ZNF469: variants seen among roughly 807,000 people sequenced by gnomAD.
The protein encoded by ZNF469 is zinc finger protein 469.
ZNF469 carries 1 observed loss-of-function variant against 1.0 expected under a neutral mutation model. The observed-to-expected ratio is 1.00, with a 90% CI of 0.35 to 4.73. The LOEUF (loss-of-function observed/expected upper bound fraction) is 4.73. Ranked by LOEUF, ZNF469 falls within the 30% of genes most tolerant of loss-of-function variation. The probability of loss-of-function intolerance (pLI) is 0.16; values close to 1 mark genes in which losing one functional copy is unlikely to be tolerated. For synonymous variants in ZNF469, 2,703 were observed against 2,363.4 expected (o/e 1.14, Z -4.17); for missense variants, 6,100 against 5,356.3 (o/e 1.14, Z -4.33).
At chr16:88,176,590 T>C in the ZNF469 span, among the ~76,000 whole-genome samples, 207 of 152,276 alleles carry the variant, frequency 1.4e-3, no homozygotes, top group African/African-American at 4.9e-3. Flanking sequence ...ATTAAAGAGC[T>C]GCTACAAGAA....
At chr16:88,193,621 G>C in the ZNF469 span, 1 of 152,256 alleles carries the variant, frequency 6.6e-6, no homozygotes, top group Non-Finnish European at 1.5e-5. Flanking sequence ...AGGATAGCTT[G>C]AGCCCAGGAG....
the ZNF469 span, among the ~76,000 whole-genome samples, chr16:88,263,850 C>A: frequency 6.6e-6 from 1 of 152,226 alleles, no homozygotes; most frequent in South Asian, 2.1e-4. Context: ...GAGACTGATG[C>A]GCCGGGCAGA....
chr16:88,183,560 A>G, the ZNF469 span, among the ~76,000 whole-genome samples: 2 of 152,178 alleles, frequency 1.3e-5, no homozygotes, highest in East Asian at 3.9e-4. Context: ...CACTCACAGG[A>G]CAATTCTGGA....
At chr16:88,371,168 C>T in the ZNF469 span, among the ~76,000 whole-genome samples, 1 of 152,246 alleles carries the variant, frequency 6.6e-6, no homozygotes, top group South Asian at 2.1e-4. Context: ...CACAGCAAAG[C>T]CTCACTGATA....
rs1180913815 is a variant in ZNF469, at chr16:88,433,818, A to C, written c.6348A>C (p.Ser2116=). 6 of 1,549,588 alleles carry C rather than the reference A, an allele frequency of 3.9e-6. No individual in the cohort carries two copies. The highest frequency in any genetic ancestry group is 4.4e-6 in the Non-Finnish European group (5 of 1,146,802). ...SVGDLAACAP[S]PTSAAHMPCS... is the part of the protein sequence containing the mutation. ...GGGACCTGGCCGCCTGCGCCCCCTC[A>C]CCCACTTCAGCCGCCCACATGCCCT... The change falls in exon 3 of 3, where the codon TCA becomes TCC. Residue 2116 remains serine (S), a synonymous_variant. Transcript: ENST00000565624.
In ZNF469 at chr16:88,427,456, C is replaced by A; in HGVS notation, c.-15C>A. 1 of 1,486,298 alleles carries A rather than the reference C, an allele frequency of 6.7e-7. No individual in the cohort carries two copies. Among genetic ancestry groups the A allele is most frequent in the Non-Finnish European group, 8.9e-7 (1 of 1,120,136 alleles). The allele number at this position is 1,486,298 out of a possible 1,614,324, so 92.1% of individuals were successfully genotyped here. On this transcript the variant is annotated 5_prime_UTR_variant, in exon 3 of 3. Transcript: ENST00000565624. The stretch of plus-strand genomic sequence containing the variant: ...TCGGACAGCTGCGTCGTCCTAGCGC[C>A]AGGACGGAGGGGCCATGCCTGGGGA...
At chr16:88,174,476 G>GTCTGTCTGTCTATCTATCTATCTATCTA in the ZNF469 span, among the ~76,000 whole-genome samples, 1 of 101,662 alleles carries the variant, frequency 9.8e-6, no homozygotes, top group South Asian at 4.4e-4. Context: ...CTGTCTGTCT[G>GTCTGTCTGTCTATCTATCTATCTATCTA]TCTATCTATC....
At chr16:88,104,350 G>A in the ZNF469 span, among the ~76,000 whole-genome samples, 1 of 151,804 alleles carries the variant, frequency 6.6e-6, no homozygotes, top group Non-Finnish European at 1.5e-5. Flanking sequence ...GCAGAGAGAT[G>A]TGCACCCACA....
At chr16:88,379,251 G>A (rs779124120), upstream of ZNF469, among the ~76,000 whole-genome samples, 1 of 152,158 alleles carries the variant, frequency 6.6e-6, no homozygotes, top group Non-Finnish European at 1.5e-5. Flanking sequence ...GCCAGGGCAT[G>A]AGACCTGGCT....
At chr16:88,180,623 A>T in the ZNF469 span, among the ~76,000 whole-genome samples, 2 of 152,090 alleles carry the variant, frequency 1.3e-5, no homozygotes, top group Non-Finnish European at 2.9e-5. Context: ...AATATAAAAA[A>T]ATTAGCCGGG....
chr16:88,365,704 G>A, the ZNF469 span, among the ~76,000 whole-genome samples: 1 of 152,208 alleles, frequency 6.6e-6, no homozygotes, highest in African/African-American at 2.4e-5. Context: ...ACTCCATGGT[G>A]CTGGTATGGC....
the ZNF469 span, among the ~76,000 whole-genome samples, chr16:88,221,839 A>G: frequency 1.3e-5 from 2 of 151,904 alleles, no homozygotes; most frequent in Admixed American, 1.3e-4. Context: ...GCTTGTGGAC[A>G]CTTCAGTCCA....
In ZNF469 at chr16:88,438,265, G is replaced by T. The variant is rs199760004; in HGVS notation, c.10795G>T (p.Ala3599Ser). 7.3e-4 allele frequency: 1,128 copies of T among 1,548,214 alleles called. 13 individuals carry two copies. In the African/African-American group the frequency reaches 0.014, roughly 19 times the overall value. ...TCTCCAGCAAGCTCTCCCTCTGGGG[G>T]CATCTCTGCCGCGGCCGGGAGCCAG... ...PLLQQALPLG[A>S]SLPRPGARGQ... The change falls in exon 3 of 3, where the codon GCA (alanine) becomes TCA (serine). Residue 3599 changes from alanine (A) to serine (S), a missense_variant. By Grantham distance (99) the Ala-to-Ser change is moderately conservative (BLOSUM62 1). Transcript: ENST00000565624.
chr16:88,213,121 T>C, the ZNF469 span, among the ~76,000 whole-genome samples: 1 of 151,458 alleles, frequency 6.6e-6, no homozygotes, highest in Admixed American at 6.6e-5. Context: ...TTCTTTGAGA[T>C]GGAGTCTCGC....
At chr16:88,118,830 C>T in the ZNF469 span, among the ~76,000 whole-genome samples, 1 of 152,212 alleles carries the variant, frequency 6.6e-6, no homozygotes, top group Non-Finnish European at 1.5e-5. Flanking sequence ...ATTCAGAGAA[C>T]CACACGGATA....
chr16:88,407,120 C>T (rs1905045897), intron 1 of ZNF469, among the ~76,000 whole-genome samples: 1 of 110,730 alleles, frequency 9.0e-6, no homozygotes, highest in Non-Finnish European at 2.0e-5. Context: ...TCTGCGGCCC[C>T]AGGACTGAGG....
chr16:88,197,335 G>A, the ZNF469 span, among the ~76,000 whole-genome samples: 35 of 152,318 alleles, frequency 2.3e-4, no homozygotes, highest in East Asian at 3.1e-3. Flanking sequence ...GGCCACTAGA[G>A]CAGGAGCGAG....
the ZNF469 span, among the ~76,000 whole-genome samples, chr16:88,328,651 A>G: frequency 6.6e-6 from 1 of 152,204 alleles, no homozygotes; most frequent in African/African-American, 2.4e-5. Context: ...GCACCAGACA[A>G]GGAAAACCAG....
At chr16:88,120,828 G>T in the ZNF469 span, among the ~76,000 whole-genome samples, 1 of 152,186 alleles carries the variant, frequency 6.6e-6, no homozygotes, top group East Asian at 1.9e-4. Context: ...CGTGTCGAGG[G>T]CAGTTAGAAT....
Sources: allele counts gnomAD v4.1 joint callset (sites outside exome capture counted in the v4.1 genomes callset), GRCh38; gene constraint gnomAD v4.1.1; transcripts MANE v1.5; gene names NCBI Gene and HGNC (gene_info 2026-07-23, HGNC 2026-07-21).